The following SLK variants were observed in gnomAD, a reference collection of about 807,000 sequenced individuals.
The protein encoded by SLK is STE20 like kinase, also known as STE20-like serine/threonine-protein kinase.
In SLK, 67 loss-of-function variants were observed where a neutral mutation model predicts 147.7. The observed-to-expected ratio is 0.45, with a 90% CI of 0.37 to 0.56. The LOEUF is 0.56. SLK is among the 20% of genes least tolerant of loss of function. The probability of loss-of-function intolerance (pLI) is 0.00; values close to 1 mark genes in which losing one functional copy is unlikely to be tolerated. For missense variants in SLK, 1,136 were observed against 1,438.8 expected (o/e 0.79, Z 3.41); for synonymous variants, 441 against 475.0 (o/e 0.93, Z 0.93).
chr10:104,018,545 A>C (rs1844494065), intron 14 of SLK, among the ~76,000 whole-genome samples: 1 of 152,182 alleles, frequency 6.6e-6, no homozygotes, highest in African/African-American at 2.4e-5. Context: ...AAGATGATTA[A>C]ATAGGATTTT....
intron 12 of SLK, 129 bp downstream of exon 12, chr10:104,008,485 G>C: frequency 1.5e-6 from 1 of 653,976 alleles, no homozygotes; most frequent in Non-Finnish European, 2.6e-6. Flanking sequence ...TCTTTCATTC[G>C]GTCTTCTCAA....
At position 104,001,519 on chromosome 10, in the gene SLK, G is replaced by T. The variant is rs775172402; in HGVS notation, c.940G>T (p.Glu314Ter). 6.2e-7 allele frequency: 1 copy of T among 1,613,966 alleles called. No homozygotes were observed. The stretch of plus-strand genomic sequence containing the variant: ...AGAGGCGAAGGCTGAAGTAACAGAA[G>T]AAGTTGAAGATGGCAAAGAGGAAGA... The part of the protein sequence containing the change: ...IAEAKAEVTE[E>*]VEDGKEEDEE... The change falls in exon 8 of 19, where the codon GAA (glutamate) becomes TAA (stop). Residue 314 changes from glutamate to a stop codon, truncating the protein, a stop_gained. Coordinates refer to ENST00000369755, the MANE Select transcript of SLK (RefSeq NM_014720.4). LOFTEE classifies it high-confidence loss of function.
intron 4 of SLK, among the ~76,000 whole-genome samples, chr10:103,995,423 C>CTTTTTTT (rs756975426): frequency 3.8e-4 from 26 of 67,694 alleles, no homozygotes; most frequent in Non-Finnish European, 5.5e-4. Flanking sequence ...TCTTTCTTTT[C>CTTTTTTT]TTTTTTTTTT....
intron 2 of SLK, among the ~76,000 whole-genome samples, chr10:103,992,111 G>C (rs557649031): frequency 8.5e-6 from 1 of 118,230 alleles, no homozygotes; most frequent in Non-Finnish European, 1.8e-5. Flanking sequence ...AATTGAGCTC[G>C]GATCTGAAGC....
chr10:104,018,462 C>T (rs925041213), intron 14 of SLK, among the ~76,000 whole-genome samples, 173 bp downstream of exon 14: 5 of 152,036 alleles, frequency 3.3e-5, no homozygotes, highest in Non-Finnish European at 5.9e-5. Flanking sequence ...ACCTAATGGT[C>T]GTGTGTTAGA....
chr10:103,986,702 A>G (rs1844020550), intron 1 of SLK, among the ~76,000 whole-genome samples: 2 of 131,832 alleles, frequency 1.5e-5, no homozygotes, highest in Non-Finnish European at 3.1e-5. Context: ...TCCCTGAGAC[A>G]GAGTCTTGGT....
intron 12 of SLK, among the ~76,000 whole-genome samples, chr10:104,009,897 T>C (rs937716454): frequency 6.6e-6 from 1 of 152,162 alleles, no homozygotes; most frequent in Non-Finnish European, 1.5e-5. Context: ...CGATGTTAAA[T>C]CAAAATCAGT....
intron 5 of SLK, 46 bp from the exon 6 acceptor site, chr10:103,999,073 A>G: frequency 6.4e-7 from 1 of 1,568,956 alleles, no homozygotes; most frequent in Non-Finnish European, 8.7e-7. Flanking sequence ...GTGTTTTGCA[A>G]TCACTGTTCT....
At chr10:104,007,019 G>T (rs1209450643) in intron 11 of SLK, among the ~76,000 whole-genome samples, 1 of 152,048 alleles carries the variant, frequency 6.6e-6, no homozygotes, top group Non-Finnish European at 1.5e-5. Context: ...CAGGAGTCTT[G>T]TTGCAAGAGT....
At chr10:104,003,921 C>T (rs1284436621) in intron 9 of SLK, among the ~76,000 whole-genome samples, 2 of 152,170 alleles carry the variant, frequency 1.3e-5, no homozygotes, top group South Asian at 2.1e-4. Context: ...TTGGCCCATA[C>T]AGTCACAGAC....
In SLK at chr10:103,998,968, A is replaced by T; in HGVS notation, c.584A>T (p.Tyr195Phe). The T allele has an allele frequency of 6.2e-7, 1 of 1,602,888 alleles. No individual in the cohort carries two copies. The highest frequency in any genetic ancestry group is 8.5e-7 in the Non-Finnish European group (1 of 1,170,662). The change falls in exon 5 of 19, where the codon TAT (tyrosine) becomes TTT (phenylalanine). Residue 195 changes from tyrosine to phenylalanine, a missense_variant. This residue lies in a region of SLK where 141 missense variants were observed against 219.3 expected (regional missense o/e 0.64). Coordinates refer to ENST00000369755, the MANE Select transcript of SLK (RefSeq NM_014720.4). ...QRRDSFIGTP[Y>F]WMAPEVVMCE... ...AGAGATTCCTTTATTGGTACACCAT[A>T]TTGGTATGTATTCAGTTTTATGAAT...
At chr10:104,012,303 A>G (rs191256780) in intron 13 of SLK, among the ~76,000 whole-genome samples, 53 of 152,302 alleles carry the variant, frequency 3.5e-4, no homozygotes, top group African/African-American at 1.2e-3. Context: ...CACCATGAAA[A>G]ATAAGGAAAA....
In SLK at chr10:104,017,050, A is replaced by G. The variant is rs573100517; in HGVS notation, c.2878-1110A>G. On this transcript the variant is annotated intron_variant, in intron 13 of 18. Coordinates refer to ENST00000369755, the MANE Select transcript of SLK (RefSeq NM_014720.4). ...TTGGATGCTGTTCCTTTTCTTCTGTAAATGTATGATTCTAGCAGAAAGACC... is the reference window on the plus strand; with the variant it reads ...TTGGATGCTGTTCCTTTTCTTCTGTGAATGTATGATTCTAGCAGAAAGACC... Among the ~76,000 whole-genome samples, 37 of 152,322 alleles carry G rather than the reference A, an allele frequency of 2.4e-4. 1 individual carries two copies. Among genetic ancestry groups the G allele is most frequent in the African/African-American group, 7.9e-4 (33 of 41,564 alleles).
intron 1 of SLK, among the ~76,000 whole-genome samples, chr10:103,968,258 A>G (rs184994732): frequency 6.8e-4 from 104 of 152,344 alleles, no homozygotes; most frequent in African/African-American, 2.4e-3. Context: ...TTGTCTACTG[A>G]CTGCATTCGC....
intron 18 of SLK, among the ~76,000 whole-genome samples, chr10:104,022,087 G>A (rs921473513): frequency 6.6e-6 from 1 of 152,188 alleles, no homozygotes; most frequent in Admixed American, 6.5e-5. Context: ...AAGCGGATGG[G>A]CTGATTGGAG....
At chr10:103,977,426 C>T (rs1435233663) in intron 1 of SLK, among the ~76,000 whole-genome samples, 1 of 152,130 alleles carries the variant, frequency 6.6e-6, no homozygotes, top group Non-Finnish European at 1.5e-5. Context: ...GCCTGGGCAA[C>T]ATAGCGAGAC....
chr10:104,012,661 G>T (rs1426524327), intron 13 of SLK, among the ~76,000 whole-genome samples: 1 of 152,046 alleles, frequency 6.6e-6, no homozygotes, highest in Non-Finnish European at 1.5e-5. Flanking sequence ...GATAAGTTTG[G>T]GTACATGTTT....
intron 17 of SLK, 101 bp from the exon 18 acceptor site, chr10:104,021,519 A>G (rs1244688397): frequency 3.1e-6 from 2 of 643,662 alleles, no homozygotes; most frequent in African/African-American, 3.7e-5. Context: ...CAGTAATAGC[A>G]TGATATTTGA....
chr10:103,992,967 T>TC lies in SLK; in HGVS notation c.365-17_365-16insC. The TC allele has an allele frequency of 6.3e-7, 1 of 1,595,742 alleles. No homozygotes were observed. Among genetic ancestry groups the TC allele is most frequent in the Non-Finnish European group, 8.5e-7 (1 of 1,172,040 alleles). On this transcript the variant is annotated splice_polypyrimidine_tract_variant and intron_variant, in intron 3 of 18. Coordinates refer to ENST00000369755, the MANE Select transcript of SLK (RefSeq NM_014720.4). The stretch of plus-strand genomic sequence containing the variant: ...CTGTATAAAAAGCAGATTTTTTTTT[T>TC]TACTTTCTCCTTATAGAACTTGAGA...
Sources: gnomAD v4.1 joint callset for allele counts (sites outside exome capture counted in the v4.1 genomes callset) on GRCh38, gnomAD v4.1.1 for gene constraint, gnomAD v4.1.1 regional missense constraint, MANE v1.5 for transcripts, NCBI Gene and HGNC (gene_info 2026-07-23, HGNC 2026-07-21) for gene names.